The following ARSB variants were observed in gnomAD, a reference collection of about 807,000 sequenced individuals.
The protein encoded by ARSB is arylsulfatase B.
Under a neutral mutation model 50.9 loss-of-function variants are expected in ARSB, and 41 were observed. The observed-to-expected ratio is 0.81, with a 90% CI of 0.63 to 1.04. The LOEUF (loss-of-function observed/expected upper bound fraction) is 1.04. Ranked by LOEUF, ARSB falls within the 50% of genes least tolerant of loss-of-function variation. The pLI, the probability that ARSB is intolerant of heterozygous loss-of-function variation, is 0.00. For missense variants in ARSB, 672 were observed against 693.3 expected (o/e 0.97, Z 0.35); for synonymous variants, 269 against 284.8 (o/e 0.94, Z 0.56).
At chr5:78,903,156 T>C (rs779166246) in intron 4 of ARSB, among the ~76,000 whole-genome samples, 10 of 152,116 alleles carry the variant, frequency 6.6e-5, no homozygotes, top group Non-Finnish European at 1.3e-4. Flanking sequence ...AGAGGGGGAA[T>C]AAGCAGTGGG....
In ARSB at chr5:78,955,498, A is replaced by C; in HGVS notation, c.695T>G (p.Leu232Arg). The C allele has an allele frequency of 6.2e-7, 1 of 1,613,948 alleles. No individual in the cohort carries two copies. Among genetic ancestry groups the C allele is most frequent in the Admixed American group, 1.7e-5 (1 of 60,026 alleles). The change falls in exon 4 of 8, where the codon CTG (leucine) becomes CGG (arginine). Residue 232 changes from leucine (L) to arginine (R), a missense_variant. Physicochemically the swap from Leu to Arg is moderately radical, Grantham distance 102 (BLOSUM62 -2). Transcript: ENST00000264914. ...LITNHPPEKP[L>R]FLYLALQSVH... ...AGACTGGAGAGCAAGGTAGAGAAAC[A>C]GAGGCTGGAAAGAAAGTTTGTGCAA... is the stretch of plus-strand genomic sequence containing the variant.
rs572064956 is a variant in ARSB, at chr5:78,864,006, A to AAAGT, written c.1142+21574_1142+21577dup. Among the ~76,000 whole-genome samples, 496 of 151,964 alleles carry AAAGT rather than the reference A, an allele frequency of 3.3e-3. 4 individuals are homozygous for AAAGT. The highest frequency in any genetic ancestry group is 0.011 in the African/African-American group (468 of 41,456). ...TTAAAAACCATATTGATAAAGAAAGAAAGTAATATCAACCAAAGCAGAAGC... is the reference window on the plus strand; with the variant it reads ...TTAAAAACCATATTGATAAAGAAAGAAAGTAAGTAATATCAACCAAAGCAGAAGC... On this transcript the variant is annotated intron_variant, in intron 5 of 7. Coordinates refer to ENST00000264914, the MANE Select transcript of ARSB (RefSeq NM_000046.5).
At chr5:78,940,017 T>C (rs1050570188) in intron 4 of ARSB, among the ~76,000 whole-genome samples, 7 of 152,260 alleles carry the variant, frequency 4.6e-5, no homozygotes, top group African/African-American at 1.7e-4. Flanking sequence ...TTGTTTTGCA[T>C]TTCTCTGATG....
In ARSB at chr5:78,983,871, CCT is replaced by C. The variant is rs765158661; in HGVS notation, c.312+1064_312+1065del. Among the ~76,000 whole-genome samples the C allele has an allele frequency of 1.1e-4, 16 of 152,258 alleles. No individual in the cohort carries two copies. In the East Asian group the frequency reaches 1.3e-3, roughly 13 times the overall value. On this transcript the variant is annotated intron_variant, in intron 1 of 7. Transcript: ENST00000264914. The stretch of plus-strand genomic sequence containing the variant: ...GAGGGCAACATTCAAATATATATCC[CCT>C]GTCAGTAGCACAGTAAGCTCAAAAT...
chr5:78,845,214 A>G (rs1415231150), intron 5 of ARSB, among the ~76,000 whole-genome samples: 1 of 152,064 alleles, frequency 6.6e-6, no homozygotes, highest in Non-Finnish European at 1.5e-5. Context: ...ACAGGATTTC[A>G]TTTTGTTTTA....
chr5:78,928,456 AG>A (rs1750160777), intron 4 of ARSB, among the ~76,000 whole-genome samples: 1 of 151,758 alleles, frequency 6.6e-6, no homozygotes, highest in Non-Finnish European at 1.5e-5. Flanking sequence ...CTGGGACTAC[AG>A]GGGCATACCA....
Position 78,819,959 on chromosome 5 carries a change from G to C in ARSB, c.1213+19397C>G, listed in dbSNP as rs140091617. 2.2e-4 allele frequency among the ~76,000 whole-genome samples: 34 copies of C among 152,380 alleles called. No homozygotes were observed. The East Asian group carries it at 6.4e-3, about 28-fold the overall frequency. Reference sequence around the variant, plus strand: ...ATCCATATGTTGGAACCCCCAAGGTGATGGCATTAAGAGGTGGGGCCATTG... The same window carrying C: ...ATCCATATGTTGGAACCCCCAAGGTCATGGCATTAAGAGGTGGGGCCATTG... On this transcript the variant is annotated intron_variant, in intron 6 of 7. Coordinates refer to ENST00000264914, the MANE Select transcript of ARSB (RefSeq NM_000046.5).
chr5:78,941,363 A>T (rs1750912400), intron 4 of ARSB, among the ~76,000 whole-genome samples: 1 of 151,706 alleles, frequency 6.6e-6, no homozygotes, highest in Non-Finnish European at 1.5e-5. Context: ...GTCTTGTGCC[A>T]GTTTTCAAAG....
At position 78,859,744 on chromosome 5, in the gene ARSB, A is replaced by G. The variant is rs368347130; in HGVS notation, c.1143-20318T>C. Among the ~76,000 whole-genome samples, 18 of 152,146 alleles carry G rather than the reference A, an allele frequency of 1.2e-4. No homozygotes were observed. In the East Asian group the frequency reaches 1.5e-3, roughly 13 times the overall value. On this transcript the variant is annotated intron_variant, in intron 5 of 7. Coordinates refer to ENST00000264914, the MANE Select transcript of ARSB (RefSeq NM_000046.5). ...AAAAAAAAAAGAGTGATGATCTTCCATGAACTGTCCTTAGAGAGGCACCAT... is the reference window on the plus strand; with the variant it reads ...AAAAAAAAAAGAGTGATGATCTTCCGTGAACTGTCCTTAGAGAGGCACCAT...
Position 78,981,249 on chromosome 5 carries a change from C to CTT in ARSB, c.312+3687_312+3688insAA, listed in dbSNP as rs151308190. 5.7e-4 allele frequency among the ~76,000 whole-genome samples: 3 copies of CTT among 5,280 alleles called. 1 individual carries two copies. The highest frequency in any genetic ancestry group is 2.4e-3 in the Admixed American group (1 of 410). 3.5% of individuals were successfully genotyped at this position (5,280 alleles called of 152,430 possible). On this transcript the variant is annotated intron_variant, in intron 1 of 7. Transcript: ENST00000264914. ...ACAGGCGTGAGCCACCGCGCCCGGC[C>CTT]GAATTTCTAGTTCTTGAATTTACCA...
At chr5:78,815,828 A>G in intron 6 of ARSB, 1 of 1,326,322 alleles carries the variant, frequency 7.5e-7, no homozygotes, top group Non-Finnish European at 9.7e-7. Flanking sequence ...ATGAATTCTC[A>G]TCTTCAAAGA....
At chr5:78,965,968 G>C (rs1323330660) in intron 2 of ARSB, among the ~76,000 whole-genome samples, 2 of 152,174 alleles carry the variant, frequency 1.3e-5, no homozygotes, top group Non-Finnish European at 2.9e-5. Flanking sequence ...ATGTGTAACA[G>C]AGAAAGAAAT....
intron 6 of ARSB, among the ~76,000 whole-genome samples, chr5:78,789,243 C>T (rs1034354037): frequency 3.9e-5 from 6 of 152,230 alleles, no homozygotes; most frequent in Non-Finnish European, 8.8e-5. Flanking sequence ...ATAAAAATGA[C>T]CTGTTAATTT....
chr5:78,842,780 C>CTTT (rs5868940), intron 5 of ARSB, among the ~76,000 whole-genome samples: 1 of 141,614 alleles, frequency 7.1e-6, no homozygotes, highest in Non-Finnish European at 1.5e-5. Flanking sequence ...GTTTTTTTCC[C>CTTT]TTTTTTTTTT....
In ARSB at chr5:78,777,329, A is replaced by G. The variant is rs951509111; in HGVS notation, c.*3068T>C. ...ATTGTAATAAAACATAAAACTTAACATTTTAACCACTTTAAAACATACAAT... is the reference window on the plus strand; with the variant it reads ...ATTGTAATAAAACATAAAACTTAACGTTTTAACCACTTTAAAACATACAAT... On this transcript the variant is annotated 3_prime_UTR_variant, in exon 8 of 8. Transcript: ENST00000264914. 7.9e-5 allele frequency: 12 copies of G among 152,614 alleles called. No homozygotes were observed. Among genetic ancestry groups the G allele is most frequent in the African/African-American group, 1.9e-4 (8 of 41,458 alleles). 9.5% of individuals were successfully genotyped at this position (152,614 alleles called of 1,614,324 possible).
intron 6 of ARSB, among the ~76,000 whole-genome samples, chr5:78,797,163 C>A (rs1743215816): frequency 6.6e-6 from 1 of 152,222 alleles, no homozygotes; most frequent in African/African-American, 2.4e-5. Context: ...CAGGCGTGAG[C>A]CACCGCGCCC....
chr5:78,824,019 C>T (rs1309279662), intron 6 of ARSB, among the ~76,000 whole-genome samples: 1 of 152,168 alleles, frequency 6.6e-6, no homozygotes, highest in Non-Finnish European at 1.5e-5. Context: ...GCTTGATGCC[C>T]TCCTTGAGTC....
intron 5 of ARSB, among the ~76,000 whole-genome samples, chr5:78,856,960 G>C (rs957555033): frequency 2.6e-5 from 4 of 152,114 alleles, no homozygotes; most frequent in Admixed American, 6.6e-5. Context: ...ATATAAACTT[G>C]GGTGTTGTTT....
intron 4 of ARSB, among the ~76,000 whole-genome samples, chr5:78,911,741 C>T (rs1459833934): frequency 6.6e-6 from 1 of 151,920 alleles, no homozygotes; most frequent in Non-Finnish European, 1.5e-5. Context: ...CACAAAGAGA[C>T]GAGAGACACA....
Sources: gnomAD v4.1 joint callset for allele counts (sites outside exome capture counted in the v4.1 genomes callset) on GRCh38, gnomAD v4.1.1 for gene constraint, MANE v1.5 for transcripts, NCBI Gene and HGNC (gene_info 2026-07-23, HGNC 2026-07-21) for gene names.